COL5A2: variants seen among roughly 807,000 people sequenced by gnomAD.
The protein encoded by COL5A2 is collagen type V alpha 2 chain, also known as collagen alpha-2(V) chain.
COL5A2 carries 23 observed loss-of-function variants against 208.2 expected under a neutral mutation model. That is an observed-to-expected ratio of 0.11 (90% CI 0.08 to 0.16). COL5A2 has a LOEUF of 0.16. Among genes scored for constraint, COL5A2 ranks in the 10% least tolerant of loss-of-function variants. The pLI is 1.00. For missense variants in COL5A2, 1,590 were observed against 1,956.4 expected (o/e 0.81, Z 3.53); for synonymous variants, 625 against 628.5 (o/e 0.99, Z 0.08).
At chr2:189,123,002 T>A (rs976455548) in intron 1 of COL5A2, among the ~76,000 whole-genome samples, 1 of 152,178 alleles carries the variant, frequency 6.6e-6, no homozygotes, top group Non-Finnish European at 1.5e-5. Context: ...TTTGCTCTTG[T>A]TGCCCAGGCT....
intron 6 of COL5A2, 65 bp from the exon 7 acceptor site, chr2:189,092,485 G>A (rs1231265071): frequency 3.1e-6 from 3 of 966,048 alleles, no homozygotes; most frequent in Middle Eastern, 2.1e-4. Flanking sequence ...AAAGCTAAAG[G>A]CACAGACTTC....
chr2:189,340,357 T>A, the COL5A2 span, among the ~76,000 whole-genome samples: 1 of 152,096 alleles, frequency 6.6e-6, no homozygotes, highest in African/African-American at 2.4e-5. Context: ...GGATTGGAGG[T>A]GGGCAGATAC....
chr2:189,324,387 A>C, the COL5A2 span, among the ~76,000 whole-genome samples: 8 of 152,344 alleles, frequency 5.3e-5, no homozygotes, highest in Non-Finnish European at 1.0e-4. Flanking sequence ...CAACCTACAG[A>C]ATGGGAGAAA....
chr2:189,102,116 C>G (rs1301027221), intron 3 of COL5A2, among the ~76,000 whole-genome samples: 1 of 151,958 alleles, frequency 6.6e-6, no homozygotes, highest in Admixed American at 6.6e-5. Context: ...GATGCTGAAA[C>G]AATGCTCCTT....
chr2:189,320,382 A>G, the COL5A2 span, among the ~76,000 whole-genome samples: 110 of 152,340 alleles, frequency 7.2e-4, no homozygotes, highest in African/African-American at 2.5e-3. Flanking sequence ...TAAAGGGGGA[A>G]GTTTGAACCC....
chr2:189,378,475 A>G, the COL5A2 span, among the ~76,000 whole-genome samples: 1 of 152,202 alleles, frequency 6.6e-6, no homozygotes, highest in African/African-American at 2.4e-5. Flanking sequence ...CTGTAATCCC[A>G]GCACTTTGGG....
the COL5A2 span, among the ~76,000 whole-genome samples, chr2:189,238,064 T>C: frequency 5.9e-5 from 9 of 152,044 alleles, no homozygotes; most frequent in East Asian, 1.7e-3. Context: ...ATAGTTTGCA[T>C]TCAACATCAA....
chr2:189,404,113 T>G, the COL5A2 span, among the ~76,000 whole-genome samples: 1 of 152,154 alleles, frequency 6.6e-6, no homozygotes, highest in Non-Finnish European at 1.5e-5. Context: ...TGTAACATGA[T>G]CACATGAGTG....
At chr2:189,115,507 G>C (rs902527918) in intron 1 of COL5A2, among the ~76,000 whole-genome samples, 1 of 151,900 alleles carries the variant, frequency 6.6e-6, no homozygotes, top group Non-Finnish European at 1.5e-5. Flanking sequence ...TCTACTTACA[G>C]GCTTTGAAAA....
At chr2:189,401,568 T>G in the COL5A2 span, among the ~76,000 whole-genome samples, 1 of 152,212 alleles carries the variant, frequency 6.6e-6, no homozygotes, top group Non-Finnish European at 1.5e-5. Flanking sequence ...TGTATCTCAT[T>G]GGGCATATAC....
intron 1 of COL5A2, among the ~76,000 whole-genome samples, chr2:189,210,524 C>T (rs1169128245): frequency 6.7e-6 from 1 of 150,060 alleles, no homozygotes; most frequent in East Asian, 2.0e-4. Context: ...ATTGCAGCAT[C>T]ATAGGAACTA....
the COL5A2 span, among the ~76,000 whole-genome samples, chr2:189,300,634 G>T: frequency 3.3e-5 from 5 of 152,332 alleles, no homozygotes; most frequent in South Asian, 1.0e-3. Flanking sequence ...GCCAGAGGCG[G>T]GACAGCCCTG....
the COL5A2 span, among the ~76,000 whole-genome samples, chr2:189,299,744 A>C: frequency 1.3e-5 from 2 of 152,178 alleles, no homozygotes; most frequent in Non-Finnish European, 2.9e-5. Flanking sequence ...GTTTTGTTTC[A>C]ATTCCAAAGC....
the COL5A2 span, among the ~76,000 whole-genome samples, chr2:189,254,156 G>T: frequency 6.6e-6 from 1 of 152,330 alleles, no homozygotes; most frequent in Non-Finnish European, 1.5e-5. Context: ...GTTCTCTGTT[G>T]ATTGCCCTTG....
At chr2:189,304,606 C>T in the COL5A2 span, among the ~76,000 whole-genome samples, 1 of 152,128 alleles carries the variant, frequency 6.6e-6, no homozygotes, top group Non-Finnish European at 1.5e-5. Context: ...TGAGAACTCA[C>T]TCACTGTCAC....
intron 21 of COL5A2, among the ~76,000 whole-genome samples, chr2:189,067,063 AATT>A (rs1472258882): frequency 2.6e-5 from 4 of 152,190 alleles, no homozygotes; most frequent in African/African-American, 9.7e-5. Flanking sequence ...GAATAAATAG[AATT>A]ATTGAGTTAT....
chr2:189,292,574 G>C, the COL5A2 span, among the ~76,000 whole-genome samples: 1 of 152,208 alleles, frequency 6.6e-6, no homozygotes, highest in African/African-American at 2.4e-5. Context: ...ACACCAGATA[G>C]AATGGCAATC....
In COL5A2 at chr2:189,174,319, G is replaced by A. The variant is rs141337645; in HGVS notation, c.97+5189C>T. Among the ~76,000 whole-genome samples, 102 of 152,342 alleles carry A rather than the reference G, an allele frequency of 6.7e-4. 2 individuals carry two copies. The East Asian group carries it at 0.015, about 22-fold the overall frequency. Reference sequence around the variant, plus strand: ...ATTCACCTGGAAACACATGCAAATGGCATGTGTCTTCTGCATAGTAGAATG... The same window carrying A: ...ATTCACCTGGAAACACATGCAAATGACATGTGTCTTCTGCATAGTAGAATG... On this transcript the variant is annotated intron_variant, in intron 1 of 53. Transcript: ENST00000374866.
the COL5A2 span, among the ~76,000 whole-genome samples, chr2:189,293,110 G>A: frequency 6.6e-6 from 1 of 151,862 alleles, no homozygotes; most frequent in Non-Finnish European, 1.5e-5. Flanking sequence ...GTTGTGGGGT[G>A]GGGGGAGTGG....
Sources: gnomAD v4.1 joint callset for allele counts (sites outside exome capture counted in the v4.1 genomes callset) on GRCh38, gnomAD v4.1.1 for gene constraint, MANE v1.5 for transcripts, NCBI Gene and HGNC (gene_info 2026-07-23, HGNC 2026-07-21) for gene names.